The following PLCD4 variants were observed in gnomAD, a reference collection of about 807,000 sequenced individuals.
PLCD4 encodes phospholipase C delta 4.
PLCD4 carries 63 observed loss-of-function variants against 90.2 expected under a neutral mutation model. The ratio of observed to expected loss-of-function variants is 0.70; its 90% CI spans 0.57 to 0.86. PLCD4 has a LOEUF of 0.86. Among genes scored for constraint, PLCD4 ranks in the 40% least tolerant of loss-of-function variants. The pLI, the probability that PLCD4 is intolerant of heterozygous loss-of-function variation, is 0.00. For missense variants in PLCD4, 830 were observed against 956.3 expected (o/e 0.87, Z 1.74); for synonymous variants, 294 against 356.5 (o/e 0.82, Z 1.97).
chr2:218,619,266 C>CATATATATATATATATATAT (rs3074252), intron 4 of PLCD4, among the ~76,000 whole-genome samples: 1 of 146,720 alleles, frequency 6.8e-6, no homozygotes, highest in African/African-American at 2.5e-5. Flanking sequence ...TATAGGGGTA[C>CATATATATATATATATATAT]ATATATATAT....
chr2:218,623,256 C>T (rs750880995), intron 6 of PLCD4, among the ~76,000 whole-genome samples: 31 of 152,160 alleles, frequency 2.0e-4, no homozygotes, highest in Admixed American at 3.3e-4. Context: ...ATTCCTTTTC[C>T]TCTGGTTCTT....
chr2:218,609,960 G>A (rs532752369), intron 1 of PLCD4: 7 of 152,534 alleles, frequency 4.6e-5, no homozygotes, highest in African/African-American at 1.4e-4. Flanking sequence ...TGAGCAAACA[G>A]GAAGACAGAG....
chr2:218,622,773 ACT>A lies in PLCD4; in HGVS notation c.670_671del (p.Leu224AlafsTer19), dbSNP rs1285791011. 2 of 1,613,730 alleles carry A rather than the reference ACT, an allele frequency of 1.2e-6. No individual in the cohort carries two copies. The highest frequency in any genetic ancestry group is 4.5e-5 in the East Asian group (2 of 44,888). ...TTTTTCAGCTGATGGGCAGAAGCTGACTCTGCTGGAATTTTTGGATTTCCTCC... is the reference window on the plus strand; with the variant it reads ...TTTTTCAGCTGATGGGCAGAAGCTGACTGCTGGAATTTTTGGATTTCCTCC... The part of the protein sequence containing the change: ...ESFSADGQKL[T>X]LLEFLDFLQE... On this transcript the variant is annotated frameshift_variant, in exon 6 of 16. Transcript: ENST00000450993. LOFTEE classifies it high-confidence loss of function.
chr2:218,634,151 T>TC lies in PLCD4; in HGVS notation c.1656dup (p.Ser553GlnfsTer33). 1 of 1,612,828 alleles carries TC rather than the reference T, an allele frequency of 6.2e-7. No individual in the cohort carries two copies. Among genetic ancestry groups the TC allele is most frequent in the Non-Finnish European group, 8.5e-7 (1 of 1,179,460 alleles). ...ATACTTGGCAGTTAAGCCGTGTGTA[T>TC]CCCAGCGGCCTGAGGACAGACTCTT... On this transcript the variant is annotated frameshift_variant, in exon 12 of 16. Transcript: ENST00000450993. LOFTEE classifies it high-confidence loss of function. This position sits in a 1 kb window ranked among gnomAD's most constrained non-coding sequence, Gnocchi z 4.0.
rs566871785 is a variant in PLCD4 at position 218,615,085 on chromosome 2, G to A, written c.-33-622G>A. ...GTACTAAAAATACAAAAAATTAGCC[G>A]GGTGTGGTGGCACATGCCTGTAGTC... On this transcript the variant is annotated intron_variant, in intron 1 of 15. Transcript: ENST00000450993. Among the ~76,000 whole-genome samples, 6 of 152,138 alleles carry A rather than the reference G, an allele frequency of 3.9e-5. 1 individual carries two copies. The South Asian group carries it at 6.2e-4, about 16-fold the overall frequency.
chr2:218,636,274 T>C lies in PLCD4; in HGVS notation c.2064T>C (p.Cys688=), dbSNP rs1352578999. 6.2e-7 allele frequency: 1 copy of C among 1,614,026 alleles called. No individual in the cohort carries two copies. The highest frequency in any genetic ancestry group is 8.5e-7 in the Non-Finnish European group (1 of 1,179,882). ...GFNPYWGQTL[C]FRVLVPELAM... Reference sequence around the variant, plus strand: ...ATCCATACTGGGGGCAGACACTATGTTTCCGGGTGCTGGTGCCTGAACTTG... The same window carrying C: ...ATCCATACTGGGGGCAGACACTATGCTTCCGGGTGCTGGTGCCTGAACTTG... Residue 688 remains cysteine (C), a synonymous_variant, in exon 15 of 16, where the codon TGT becomes TGC. Coordinates refer to ENST00000450993, the MANE Select transcript of PLCD4 (RefSeq NM_032726.4).
At chr2:218,623,675 C>T (rs1216356069) in intron 6 of PLCD4, among the ~76,000 whole-genome samples, 4 of 152,236 alleles carry the variant, frequency 2.6e-5, no homozygotes, top group East Asian at 1.9e-4. Flanking sequence ...TGTACCTTTT[C>T]CTTTTTCTAT....
In PLCD4 at chr2:218,616,958, A is replaced by AT. The variant is rs1201071243; in HGVS notation, c.181+896_181+897insT. Among the ~76,000 whole-genome samples the AT allele has an allele frequency of 1.5e-3, 132 of 89,204 alleles. 10 individuals are homozygous for AT. The highest frequency in any genetic ancestry group is 5.7e-3 in the African/African-American group (127 of 22,190). The allele number at this position is 89,204 out of a possible 152,430, so 58.5% of individuals were successfully genotyped here. A position where few individuals can be genotyped will look rare whatever the true frequency, so the allele number is the denominator to read the frequency against. ...GAGAGAGAGAGAGAGAGAGAGAGAG[A>AT]GAGAGAGAGAGAGAGAGAGAGAGAG... On this transcript the variant is annotated intron_variant, in intron 3 of 15. Coordinates refer to ENST00000450993, the MANE Select transcript of PLCD4 (RefSeq NM_032726.4).
At position 218,635,730 on chromosome 2, in the gene PLCD4, T is replaced by A. The variant is rs1039410522; in HGVS notation, c.1897-66T>A. 4 of 1,551,086 alleles carry A rather than the reference T, an allele frequency of 2.6e-6. No individual in the cohort carries two copies. The African/African-American group carries it at 5.5e-5, about 21-fold the overall frequency. The stretch of plus-strand genomic sequence containing the variant: ...CAAAAAGCTTCTTCTCCCCTGGGGT[T>A]GGGAGTAGGGTCGGGTGGGGCTGGG... On this transcript the variant is annotated intron_variant, in intron 13 of 15. Transcript: ENST00000450993.
chr2:218,622,593 G>T lies in PLCD4; in HGVS notation c.541-54G>T, dbSNP rs562652878. On this transcript the variant is annotated intron_variant, in intron 5 of 15. Transcript: ENST00000450993. ...AAAAAAAAATTTTTTTAATTAAAAAGATAACATTTCCCATTAAAAGTTTCA... is the reference window on the plus strand; with the variant it reads ...AAAAAAAAATTTTTTTAATTAAAAATATAACATTTCCCATTAAAAGTTTCA... The T allele has an allele frequency of 3.6e-4, 479 of 1,330,042 alleles. 11 individuals are homozygous for T. The South Asian group carries it at 6.6e-3, about 18-fold the overall frequency. 82.4% of individuals were successfully genotyped at this position (1,330,042 alleles called of 1,614,324 possible). A position where few individuals can be genotyped will look rare whatever the true frequency, so the allele number is the denominator to read the frequency against.
chr2:218,636,009 T>C (rs930757480), intron 14 of PLCD4, 78 bp downstream of exon 14: 2 of 1,594,288 alleles, frequency 1.3e-6, no homozygotes, highest in African/African-American at 2.7e-5. Flanking sequence ...CCATTAAGTA[T>C]AGCATCTGTT....
intron 9 of PLCD4, 54 bp from the exon 10 acceptor site, chr2:218,632,082 C>T (rs1696405211): frequency 6.6e-7 from 1 of 1,505,992 alleles, no homozygotes; most frequent in Non-Finnish European, 8.9e-7. Context: ...GCATGATTCC[C>T]AGAAGGACCC....
chr2:218,629,593 A>T lies in PLCD4; in HGVS notation c.1049A>T (p.His350Leu). ...CCTAGCGGGGAACCTGTCGTTTACC[A>T]CGGACACACCCTGACCTCCCGCATC... is the stretch of plus-strand genomic sequence containing the variant. Reference protein sequence around the residue: ...DGPSGEPVVYHGHTLTSRILF... With the variant: ...DGPSGEPVVYLGHTLTSRILF... Residue 350 changes from histidine (H) to leucine (L), a missense_variant, in exon 8 of 16, where the codon CAC (histidine) becomes CTC (leucine). Coordinates refer to ENST00000450993, the MANE Select transcript of PLCD4 (RefSeq NM_032726.4). The T allele has an allele frequency of 6.2e-7, 1 of 1,613,766 alleles. No individual in the cohort carries two copies. Among genetic ancestry groups the T allele is most frequent in the Non-Finnish European group, 8.5e-7 (1 of 1,179,864 alleles).
chr2:218,633,195 C>T (rs1369627030), intron 10 of PLCD4: 6 of 586,264 alleles, frequency 1.0e-5, no homozygotes, highest in African/African-American at 7.4e-5. Flanking sequence ...GATTCATGTA[C>T]ATTTTGACCA....
chr2:218,634,645 A>C lies in PLCD4; in HGVS notation c.1896+15A>C, dbSNP rs1182175325. The C allele has an allele frequency of 1.9e-6, 3 of 1,611,030 alleles. No homozygotes were observed. The highest frequency in any genetic ancestry group is 2.5e-6 in the Non-Finnish European group (3 of 1,178,394). On this transcript the variant is annotated intron_variant, in intron 13 of 15. Coordinates refer to ENST00000450993, the MANE Select transcript of PLCD4 (RefSeq NM_032726.4). The surrounding 1 kb of genome is among the most constrained non-coding windows in gnomAD (Gnocchi z 4.0). ...TCTTAATCCAGGTACAGTGGAAATA[A>C]ACTGTTGGGAAGAAACTGAGATAAC...
chr2:218,615,712 C>G lies in PLCD4; in HGVS notation c.-28C>G. ...GCTCTTCCTTGCTCCTTTAGGTGAT[C>G]TGGTGCCAGCTGGTGGAACAGTGGG... On this transcript the variant is annotated 5_prime_UTR_variant, in exon 2 of 16. It adds an upstream start codon to the 5' untranslated region. Coordinates refer to ENST00000450993, the MANE Select transcript of PLCD4 (RefSeq NM_032726.4). The G allele has an allele frequency of 1.3e-6, 2 of 1,593,026 alleles. No individual in the cohort carries two copies. Among genetic ancestry groups the G allele is most frequent in the Non-Finnish European group, 1.7e-6 (2 of 1,170,532 alleles).
intron 1 of PLCD4, among the ~76,000 whole-genome samples, chr2:218,615,397 T>G (rs1221362435): frequency 6.6e-6 from 1 of 152,126 alleles, no homozygotes; most frequent in East Asian, 1.9e-4. Flanking sequence ...CAGCAAGATG[T>G]TAGTTCCTAA....
At chr2:218,632,973 C>T (rs1355969676) in intron 10 of PLCD4, among the ~76,000 whole-genome samples, 1 of 152,134 alleles carries the variant, frequency 6.6e-6, no homozygotes, top group Admixed American at 6.6e-5. Context: ...GGTTTGAAGT[C>T]TGCCTTTCTC....
chr2:218,616,960 A>AGAGAGAGAGAGAGAGAGAGAT (rs1695636573), intron 3 of PLCD4, among the ~76,000 whole-genome samples: 5 of 92,652 alleles, frequency 5.4e-5, no homozygotes, highest in African/African-American at 2.2e-4. Flanking sequence ...AGAGAGAGAG[A>AGAGAGAGAGAGAGAGAGAGAT]GAGAGAGAGA....
Sources: allele counts gnomAD v4.1 joint callset (sites outside exome capture counted in the v4.1 genomes callset), GRCh38; gene constraint gnomAD v4.1.1; non-coding constraint Gnocchi (gnomAD v3.1); transcripts MANE v1.5; gene names NCBI Gene and HGNC (gene_info 2026-07-23, HGNC 2026-07-21).